The following TMEM223 variants were observed in gnomAD, a reference collection of about 807,000 sequenced individuals.
The protein encoded by TMEM223 is transmembrane protein 223.
A neutral mutation model predicts 14.1 loss-of-function variants in TMEM223; 14 were observed. That is an observed-to-expected ratio of 0.99 (90% CI 0.66 to 1.55). The LOEUF is 1.55. Among genes scored for constraint, TMEM223 ranks in the 40% most tolerant of loss-of-function variants. The probability of loss-of-function intolerance (pLI) is 0.00; values close to 1 mark genes in which losing one functional copy is unlikely to be tolerated. For synonymous variants in TMEM223, 145 were observed against 120.5 expected (o/e 1.20, Z -1.33); for missense variants, 346 against 269.9 (o/e 1.28, Z -1.97).
intron 1 of TMEM223, chr11:62,775,906 C>G (rs770527676): frequency 3.7e-6 from 6 of 1,613,078 alleles, no homozygotes; most frequent in Non-Finnish European, 5.1e-6. Flanking sequence ...AGGACGTGTG[C>G]TATCGTCTGA....
rs1008581096 is a variant in TMEM223, at chr11:62,790,908, G to A, written c.324C>T (p.Leu108=). The part of the protein sequence containing the change: ...LAVGCGAIGA[L]VLGAGLLFSL... ...AGAAGAGAAGACCAGCACCGAGTAC[G>A]AGGGCTCCTGCAGGCAGGGCAGAGA... Residue 108 remains leucine (L), a synonymous_variant, in exon 2 of 2, where the codon CTC becomes CTT. Transcript: ENST00000307366. 6.3e-7 allele frequency: 1 copy of A among 1,576,584 alleles called. No individual in the cohort carries two copies. Among genetic ancestry groups the A allele is most frequent in the South Asian group, 1.1e-5 (1 of 87,210 alleles).
chr11:62,784,552 C>T (rs191807223), downstream of TMEM223, among the ~76,000 whole-genome samples: 191 of 152,188 alleles, frequency 1.3e-3, 1 homozygote, highest in Admixed American at 0.012. Flanking sequence ...ATGATCCGCC[C>T]GCCTTGGCCT....
chr11:62,788,275 T>A (rs1325977300), downstream of TMEM223, among the ~76,000 whole-genome samples: 6 of 151,946 alleles, frequency 3.9e-5, no homozygotes. Context: ...TGGTGGCTCA[T>A]GCCTGTAATC....
At chr11:62,783,167 C>G (rs1007363184), downstream of TMEM223, among the ~76,000 whole-genome samples, 16 of 152,192 alleles carry the variant, frequency 1.1e-4, no homozygotes, top group African/African-American at 3.9e-4. Flanking sequence ...TAGAAATTAT[C>G]AAATGATTAT....
At chr11:62,775,020 C>T (rs1215011791) in intron 1 of TMEM223, among the ~76,000 whole-genome samples, 1 of 148,894 alleles carries the variant, frequency 6.7e-6, no homozygotes, top group African/African-American at 2.5e-5. Context: ...GCTGAGATCG[C>T]GCTGCTACAC....
chr11:62,782,570 T>C, downstream of TMEM223: 1 of 1,429,766 alleles, frequency 7.0e-7, no homozygotes, highest in South Asian at 1.3e-5. Context: ...CTGGCAGCCT[T>C]CTTCACTTAA....
chr11:62,790,750 C>T lies in TMEM223; in HGVS notation c.482G>A (p.Gly161Asp). Reference sequence around the variant, plus strand: ...CAGAGGTAGCATGGCAGGGACTTCACCCCGGTGGGCCATGCAAGATACCTG... The same window carrying T: ...CAGAGGTAGCATGGCAGGGACTTCATCCCGGTGGGCCATGCAAGATACCTG... ...LKQVSCMAHR[G>D]EVPAMLPLKV... The change falls in exon 2 of 2, where the codon GGT (glycine) becomes GAT (aspartate). Residue 161 changes from glycine (G) to aspartate (D), a missense_variant. Gly to Asp is a moderately conservative substitution (Grantham distance 94). Coordinates refer to ENST00000307366, the MANE Select transcript of TMEM223 (RefSeq NM_001080501.3). 6.2e-7 allele frequency: 1 copy of T among 1,610,354 alleles called. No individual in the cohort carries two copies. Among genetic ancestry groups the T allele is most frequent in the Non-Finnish European group, 8.5e-7 (1 of 1,178,220 alleles).
At chr11:62,773,967 G>A (rs751725232) in intron 2 of TMEM223, among the ~76,000 whole-genome samples, 2 of 152,152 alleles carry the variant, frequency 1.3e-5, no homozygotes, top group Admixed American at 6.6e-5. Context: ...CTGAAAGGAG[G>A]ACACAGGTGG....
At chr11:62,785,285 G>C (rs2084262157), downstream of TMEM223, among the ~76,000 whole-genome samples, 1 of 151,836 alleles carries the variant, frequency 6.6e-6, no homozygotes, top group East Asian at 1.9e-4. Flanking sequence ...TCTGCCTCCT[G>C]GGTTCAAGCG....
intron 1 of TMEM223, chr11:62,774,769 C>T (rs1241717782): frequency 6.9e-5 from 26 of 378,794 alleles, no homozygotes; most frequent in South Asian, 3.5e-4. Context: ...GCCAACATGG[C>T]GAAATCTTGT....
chr11:62,789,860 G>C, downstream of TMEM223: 1 of 1,605,966 alleles, frequency 6.2e-7, no homozygotes, highest in Non-Finnish European at 8.5e-7. Flanking sequence ...TCCCACTCCT[G>C]ACGATCCTGT....
chr11:62,774,664 C>G (rs1011707759), exon 2 of TMEM223: 2 of 455,056 alleles, frequency 4.4e-6, no homozygotes, highest in Non-Finnish European at 8.8e-6. Context: ...TTGTGCTATA[C>G]CCTGTGAACA....
intron 2 of TMEM223, among the ~76,000 whole-genome samples, chr11:62,773,337 G>T (rs1277230109): frequency 6.6e-6 from 1 of 151,294 alleles, no homozygotes; most frequent in Admixed American, 6.6e-5. Flanking sequence ...TAGTAGAGAC[G>T]AGGTTTCACC....
At chr11:62,791,062 G>T (rs956520599) in intron 1 of TMEM223, 147 bp from the exon 2 acceptor site, 1 of 839,284 alleles carries the variant, frequency 1.2e-6, no homozygotes, top group Non-Finnish European at 1.8e-6. Flanking sequence ...TCACTCTGCC[G>T]GCCAGGCTGG....
chr11:62,789,871 C>T (rs766465616), downstream of TMEM223: 5 of 1,610,540 alleles, frequency 3.1e-6, no homozygotes, highest in Non-Finnish European at 4.2e-6. Context: ...ACGATCCTGT[C>T]CCTGTCTCCT....
chr11:62,785,691 C>T (rs369706728), downstream of TMEM223, among the ~76,000 whole-genome samples: 21 of 151,960 alleles, frequency 1.4e-4, no homozygotes, highest in South Asian at 6.2e-4. Flanking sequence ...ACTGCTACTG[C>T]GCCCAGCTAA....
chr11:62,783,253 T>C (rs1037674646), downstream of TMEM223, among the ~76,000 whole-genome samples: 6 of 152,032 alleles, frequency 3.9e-5, no homozygotes, highest in Non-Finnish European at 8.8e-5. Context: ...GAGGCTGAGG[T>C]GGGCGGATCA....
At chr11:62,778,732 T>G in intron 1 of TMEM223, 2 of 749,660 alleles carry the variant, frequency 2.7e-6, no homozygotes, top group Non-Finnish European at 2.3e-6. Context: ...CTAAGAGCAG[T>G]CTCTTGCCCT....
At position 62,790,630 on chromosome 11, in the gene TMEM223, C is replaced by G; in HGVS notation, c.602G>C (p.Ser201Thr). The change falls in exon 2 of 2, where the codon AGC (serine) becomes ACC (threonine). Residue 201 changes from serine to threonine, a missense_variant. Coordinates refer to ENST00000307366, the MANE Select transcript of TMEM223 (RefSeq NM_001080501.3). Reference protein sequence around the residue: ...LFDNTVGAYRSL With the variant: ...LFDNTVGAYRTL ...TGACTTGAGGTCATTTCTTCACAAG[C>G]TCCGGTAGGCACCCACAGTATTGTC... The G allele has an allele frequency of 1.2e-6, 2 of 1,607,150 alleles. No individual in the cohort carries two copies. The highest frequency in any genetic ancestry group is 1.7e-6 in the Non-Finnish European group (2 of 1,175,394).
Sources: gnomAD v4.1 joint callset for allele counts (sites outside exome capture counted in the v4.1 genomes callset) on GRCh38, gnomAD v4.1.1 for gene constraint, MANE v1.5 for transcripts, NCBI Gene and HGNC (gene_info 2026-07-23, HGNC 2026-07-21) for gene names.